Variants in CEP83 observed in about 807,000 individuals in gnomAD.
The protein encoded by CEP83 is centrosomal protein 83.
A neutral mutation model predicts 101.9 loss-of-function variants in CEP83; 70 were observed. The observed-to-expected ratio is 0.69, with a 90% CI of 0.57 to 0.84. CEP83 has a LOEUF of 0.84. Among genes scored for constraint, CEP83 ranks in the 40% least tolerant of loss-of-function variants. The probability of loss-of-function intolerance (pLI) is 0.00; values close to 1 mark genes in which losing one functional copy is unlikely to be tolerated. For missense variants in CEP83, 715 were observed against 787.2 expected (o/e 0.91, Z 1.10); for synonymous variants, 264 against 267.9 (o/e 0.99, Z 0.14).
intron 8 of CEP83, among the ~76,000 whole-genome samples, chr12:94,374,945 G>GA (rs149481616): frequency 0.1 from 15,573 of 152,060 alleles, 924 homozygotes; most frequent in Admixed American, 0.15. Flanking sequence ...TTTTAGTAAT[G>GA]AAAAAATCAG....
chr12:94,437,417 C>T (rs573703641), intron 1 of CEP83, among the ~76,000 whole-genome samples: 9 of 151,752 alleles, frequency 5.9e-5, no homozygotes, highest in African/African-American at 1.9e-4. Flanking sequence ...AAAAAGATCA[C>T]CTAGGCACAC....
At chr12:94,368,338 C>T (rs1178398555) in intron 9 of CEP83, 137 bp from the exon 10 acceptor site, 1 of 632,174 alleles carries the variant, frequency 1.6e-6, no homozygotes. Context: ...CTCAACAATA[C>T]TCACATCATT....
At chr12:94,308,956 T>C (rs1300687992) in intron 16 of CEP83, 39 bp from the exon 17 acceptor site, 6 of 1,436,754 alleles carry the variant, frequency 4.2e-6, no homozygotes, top group Non-Finnish European at 3.9e-6. Flanking sequence ...AAAGAAACTA[T>C]TAGAAAAACT....
chr12:94,325,241 C>T (rs113918189), intron 14 of CEP83, among the ~76,000 whole-genome samples: 11,362 of 151,834 alleles, frequency 0.075, 770 homozygotes, highest in East Asian at 0.36. Context: ...CCACCATCTC[C>T]GCTCACTGCA....
the CEP83 span, among the ~76,000 whole-genome samples, chr12:94,267,588 T>C: frequency 2.0e-5 from 3 of 152,196 alleles, no homozygotes; most frequent in African/African-American, 7.2e-5. Flanking sequence ...TGAAAAGGAA[T>C]GGGCCACTTG....
intron 14 of CEP83, among the ~76,000 whole-genome samples, chr12:94,330,339 A>G (rs1156689366): frequency 6.6e-6 from 1 of 152,122 alleles, no homozygotes; most frequent in Non-Finnish European, 1.5e-5. Context: ...TGAAAAGATT[A>G]CCATGTCCTT....
intron 6 of CEP83, among the ~76,000 whole-genome samples, chr12:94,392,131 C>T (rs1276287225): frequency 2.0e-5 from 3 of 152,158 alleles, no homozygotes; most frequent in Non-Finnish European, 1.5e-5. Flanking sequence ...AGCTCTGCAA[C>T]AAGCAGACCT....
In CEP83 at chr12:94,367,963, T is replaced by C; in HGVS notation, c.1194-20A>G. The C allele has an allele frequency of 1.9e-6, 3 of 1,610,270 alleles. No individual in the cohort carries two copies. The highest frequency in any genetic ancestry group is 2.5e-6 in the Non-Finnish European group (3 of 1,178,016). The stretch of plus-strand genomic sequence containing the variant: ...TCTAACCTAAAACAAGAGATCATAA[T>C]TATGTTACAAGAACTATAATAAAGA... On this transcript the variant is annotated intron_variant, in intron 10 of 16. Transcript: ENST00000397809.
intron 1 of CEP83, among the ~76,000 whole-genome samples, chr12:94,450,766 G>A (rs2067192923): frequency 6.6e-6 from 1 of 152,212 alleles, no homozygotes. Flanking sequence ...ACTCAAGATG[G>A]TTAAGTTAGT....
chr12:94,335,651 G>A lies in CEP83; in HGVS notation c.1357C>T (p.Gln453Ter). 1 of 1,581,476 alleles carries A rather than the reference G, an allele frequency of 6.3e-7. No homozygotes were observed. Among genetic ancestry groups the A allele is most frequent in the Non-Finnish European group, 8.6e-7 (1 of 1,163,024 alleles). ...ELQSVRLKLQ[Q>*]QIVTIENAEK... ...GCATTTTCAATAGTCACAATTTGTT[G>A]CTGAAGTTTTAACCTAAAAATCACA... The change falls in exon 12 of 17, where the codon CAA becomes TAA. Residue 453 changes from glutamine (Q) to a stop codon, truncating the protein, a stop_gained. Transcript: ENST00000397809. LOFTEE classifies it high-confidence loss of function.
the CEP83 span, among the ~76,000 whole-genome samples, chr12:94,296,907 A>AT: frequency 6.6e-6 from 1 of 152,180 alleles, no homozygotes; most frequent in Non-Finnish European, 1.5e-5. Flanking sequence ...TTCTAGGTAC[A>AT]TTTGTTAAAT....
chr12:94,322,065 T>G (rs1429267241), intron 14 of CEP83, among the ~76,000 whole-genome samples: 1 of 152,130 alleles, frequency 6.6e-6, no homozygotes, highest in Non-Finnish European at 1.5e-5. Flanking sequence ...ACGGACCTGT[T>G]GCTGGCAGAA....
At chr12:94,379,220 T>C (rs979613298) in intron 6 of CEP83, among the ~76,000 whole-genome samples, 178 bp from the exon 7 acceptor site, 5 of 152,180 alleles carry the variant, frequency 3.3e-5, no homozygotes, top group African/African-American at 1.2e-4. Flanking sequence ...GGGACTCAAA[T>C]GTGAGGTCAA....
the CEP83 span, chr12:94,277,003 C>T: frequency 3.2e-4 from 49 of 152,246 alleles, no homozygotes; most frequent in Admixed American, 2.4e-3. Flanking sequence ...TTTACTCTTG[C>T]GTAATTATCA....
At chr12:94,287,558 ACTT>A in the CEP83 span, among the ~76,000 whole-genome samples, 382 of 152,304 alleles carry the variant, frequency 2.5e-3, 1 homozygote, top group African/African-American at 8.4e-3. Context: ...TAAAGATTAC[ACTT>A]CGAGTTCTGA....
intron 14 of CEP83, among the ~76,000 whole-genome samples, chr12:94,314,855 C>A (rs1295504522): frequency 3.3e-5 from 5 of 152,300 alleles, no homozygotes; most frequent in South Asian, 2.1e-4. Context: ...TGAAAGAAAT[C>A]ATAAATTTAT....
intron 15 of CEP83, chr12:94,312,608 A>T: frequency 1.0e-6 from 1 of 985,440 alleles, no homozygotes; most frequent in Non-Finnish European, 1.2e-6. Context: ...TTTCAGAACT[A>T]TGCAATAGCT....
At chr12:94,389,158 A>C (rs1408175754) in intron 6 of CEP83, among the ~76,000 whole-genome samples, 1 of 152,172 alleles carries the variant, frequency 6.6e-6, no homozygotes, top group African/African-American at 2.4e-5. Context: ...CCATGAAATA[A>C]ATATGTAATA....
intron 11 of CEP83, among the ~76,000 whole-genome samples, chr12:94,350,857 G>A (rs533697988): frequency 2.1e-3 from 313 of 152,132 alleles, no homozygotes; most frequent in Non-Finnish European, 3.9e-3. Flanking sequence ...AAAGATGCTC[G>A]ACATCACTAA....
Sources: gnomAD v4.1 joint callset for allele counts (sites outside exome capture counted in the v4.1 genomes callset) on GRCh38, gnomAD v4.1.1 for gene constraint, MANE v1.5 for transcripts, NCBI Gene and HGNC (gene_info 2026-07-23, HGNC 2026-07-21) for gene names.